The following MVB12B variants were observed in gnomAD, a reference collection of about 807,000 sequenced individuals.
The protein encoded by MVB12B is multivesicular body subunit 12B, also known as ESCRT-I complex subunit MVB12B.
MVB12B carries 16 observed loss-of-function variants against 41.6 expected under a neutral mutation model. That is an observed-to-expected ratio of 0.38 (90% CI 0.26 to 0.58). MVB12B has a LOEUF of 0.58. MVB12B is among the 20% of genes least tolerant of loss of function. MVB12B has a pLI of 0.62. For synonymous variants in MVB12B, 133 were observed against 139.7 expected, an observed-to-expected ratio of 0.95 and a Z score of 0.34; for missense variants, 274 against 380.2, an observed-to-expected ratio of 0.72 and a Z score of 2.32.
Position 126,386,458 on chromosome 9 carries a change from C to A in MVB12B, c.313-104C>A. The A allele has an allele frequency of 1.4e-6, 1 of 727,266 alleles. No homozygotes were observed. The allele number at this position is 727,266 out of a possible 1,614,324, so 45.1% of individuals were successfully genotyped here. On this transcript the variant is annotated intron_variant, in intron 3 of 9. Transcript: ENST00000361171. This position sits in a 1 kb window ranked among gnomAD's most constrained non-coding sequence, Gnocchi z 4.3. ...CTCTAATTAACCTGCTGTCATAAAG[C>A]TGCACGAGTCATTGTGTTAAATATG...
chr9:126,404,565 A>C (rs773628314), intron 6 of MVB12B, among the ~76,000 whole-genome samples: 5 of 152,234 alleles, frequency 3.3e-5, no homozygotes, highest in African/African-American at 1.2e-4. Flanking sequence ...CTGACCAGCA[A>C]CTGGTGAATG....
chr9:126,435,243 T>C (rs1832439275), intron 7 of MVB12B, among the ~76,000 whole-genome samples: 1 of 152,158 alleles, frequency 6.6e-6, no homozygotes, highest in African/African-American at 2.4e-5. Context: ...CTGCTTATTA[T>C]ACCAGAAGGC....
intron 6 of MVB12B, among the ~76,000 whole-genome samples, chr9:126,400,443 A>G (rs1374665847): frequency 1.3e-5 from 2 of 152,196 alleles, no homozygotes; most frequent in East Asian, 1.9e-4. Context: ...GTCAGACGGC[A>G]TTTGGATCCT....
intron 2 of MVB12B, among the ~76,000 whole-genome samples, chr9:126,358,166 T>C (rs1284765330): frequency 6.6e-6 from 1 of 152,220 alleles, no homozygotes; most frequent in Non-Finnish European, 1.5e-5. Context: ...TTTTATTCCA[T>C]TGATCTATAA....
chr9:126,371,854 T>A (rs953760367), intron 2 of MVB12B, among the ~76,000 whole-genome samples: 2 of 152,240 alleles, frequency 1.3e-5, no homozygotes, highest in Admixed American at 1.3e-4. Flanking sequence ...TGCTAAGTAC[T>A]TCTAGAAATA....
intron 2 of MVB12B, among the ~76,000 whole-genome samples, chr9:126,364,515 G>A (rs953331246): frequency 4.6e-5 from 7 of 152,172 alleles, no homozygotes; most frequent in Non-Finnish European, 7.3e-5. Context: ...GAGTGTGCAC[G>A]GGGCTGCTGA....
At position 126,395,706 on chromosome 9, in the gene MVB12B, TTGTCGGGG is replaced by T; in HGVS notation, c.662+14_662+21del. 6.2e-7 allele frequency: 1 copy of T among 1,613,874 alleles called. No individual in the cohort carries two copies. The highest frequency in any genetic ancestry group is 8.5e-7 in the Non-Finnish European group (1 of 1,179,868). The stretch of plus-strand genomic sequence containing the variant: ...GCCCCCAACCTTCCCAGGTGAGGCC[TTGTCGGGG>T]TGTCTTGCGTTGTCCTGTGGTCTTA... On this transcript the variant is annotated intron_variant, in intron 6 of 9. Coordinates refer to ENST00000361171, the MANE Select transcript of MVB12B (RefSeq NM_033446.3). The surrounding 1 kb of genome is among the most constrained non-coding windows in gnomAD (Gnocchi z 4.9).
rs779479230 is a variant in MVB12B, at chr9:126,446,829, CTTTA to C, written c.757+24885_757+24888del. ...CTCTTTTTCTTGGTTGATTTATTTG[CTTTA>C]TTTGTCTTTCCAAATAACTGCTTTT... is the stretch of plus-strand genomic sequence containing the variant. On this transcript the variant is annotated intron_variant, in intron 7 of 9. Transcript: ENST00000361171. Among the ~76,000 whole-genome samples the C allele has an allele frequency of 6.7e-5, 10 of 149,630 alleles. No individual in the cohort carries two copies. In the East Asian group the frequency reaches 1.4e-3, roughly 20 times the overall value.
chr9:126,481,084 A>G (rs1294622351), intron 7 of MVB12B: 3 of 435,980 alleles, frequency 6.9e-6, no homozygotes, highest in Non-Finnish European at 8.2e-6. Context: ...AGGGGTGGAG[A>G]GTAGGGGTTC....
At chr9:126,364,598 T>C (rs926770127) in intron 2 of MVB12B, among the ~76,000 whole-genome samples, 1 of 152,234 alleles carries the variant, frequency 6.6e-6, no homozygotes, top group African/African-American at 2.4e-5. Flanking sequence ...AAACATGGTG[T>C]CTTTTATCAA....
chr9:126,376,915 G>A lies in MVB12B; in HGVS notation c.205-4149G>A, dbSNP rs1360432680. Reference sequence around the variant, plus strand: ...GCCCTAAACTTGCACTTGCTCCCCCGCCCCCACCCCAATGGTGTCTGGTGA... The same window carrying A: ...GCCCTAAACTTGCACTTGCTCCCCCACCCCCACCCCAATGGTGTCTGGTGA... On this transcript the variant is annotated intron_variant, in intron 2 of 9. Coordinates refer to ENST00000361171, the MANE Select transcript of MVB12B (RefSeq NM_033446.3). This position sits in a 1 kb window ranked among gnomAD's most constrained non-coding sequence, Gnocchi z 4.1. Among the ~76,000 whole-genome samples, 2 of 132,518 alleles carry A rather than the reference G, an allele frequency of 1.5e-5. No individual in the cohort carries two copies. The highest frequency in any genetic ancestry group is 3.3e-5 in the Non-Finnish European group (2 of 61,388). The allele number at this position is 132,518 out of a possible 152,430, so 86.9% of individuals were successfully genotyped here. A position where few individuals can be genotyped will look rare whatever the true frequency, so the allele number is the denominator to read the frequency against.
intron 6 of MVB12B, among the ~76,000 whole-genome samples, chr9:126,408,961 GC>G (rs1831533262): frequency 1.3e-5 from 2 of 152,008 alleles, no homozygotes; most frequent in Admixed American, 1.3e-4. Context: ...GTCCCGCAGC[GC>G]CCACCTTCTC....
intron 6 of MVB12B, among the ~76,000 whole-genome samples, chr9:126,414,127 C>T (rs142363271): frequency 8.5e-5 from 13 of 152,186 alleles, no homozygotes; most frequent in African/African-American, 2.2e-4. Context: ...GGAAATAAAT[C>T]GTGCTGGCAA....
intron 3 of MVB12B, among the ~76,000 whole-genome samples, chr9:126,383,274 C>T (rs912951053): frequency 6.6e-6 from 1 of 152,140 alleles, no homozygotes; most frequent in African/African-American, 2.4e-5. Context: ...ACTTGAGACT[C>T]CCAATGTAGG....
intron 2 of MVB12B, among the ~76,000 whole-genome samples, chr9:126,344,071 A>T (rs1319121189): frequency 6.0e-5 from 9 of 150,814 alleles, no homozygotes; most frequent in Admixed American, 5.9e-4. Context: ...AAAAATAGCA[A>T]CACAGAGAAA....
At chr9:126,366,617 C>T (rs893495596) in intron 2 of MVB12B, among the ~76,000 whole-genome samples, 1 of 152,090 alleles carries the variant, frequency 6.6e-6, no homozygotes, top group African/African-American at 2.4e-5. Context: ...ATCGGATATT[C>T]TTCTATAGTC....
chr9:126,455,028 C>T (rs1832953940), intron 7 of MVB12B, among the ~76,000 whole-genome samples: 1 of 152,150 alleles, frequency 6.6e-6, no homozygotes, highest in Non-Finnish European at 1.5e-5. Flanking sequence ...GGATCTTGAA[C>T]CACGTCCTGG....
intron 7 of MVB12B, among the ~76,000 whole-genome samples, chr9:126,451,311 G>A (rs533232384): frequency 1.3e-5 from 2 of 152,214 alleles, no homozygotes; most frequent in African/African-American, 4.8e-5. Context: ...CCCTGCCCAC[G>A]GTAGGTGCTC....
rs193029591 is a variant in MVB12B, at chr9:126,394,435, A to G, written c.540-1140A>G. Among the ~76,000 whole-genome samples the G allele has an allele frequency of 1.1e-4, 17 of 152,360 alleles. No homozygotes were observed. The East Asian group carries it at 3.3e-3, about 29-fold the overall frequency. ...TTTATGTCACTTTGGAAATATTGCT[A>G]TAGTTTTATTTCATCTTGGGGCAAC... On this transcript the variant is annotated intron_variant, in intron 5 of 9. Transcript: ENST00000361171.
Sources: gnomAD v4.1 joint callset for allele counts (sites outside exome capture counted in the v4.1 genomes callset) on GRCh38, gnomAD v4.1.1 for gene constraint, Gnocchi (gnomAD v3.1) non-coding constraint, MANE v1.5 for transcripts, NCBI Gene and HGNC (gene_info 2026-07-23, HGNC 2026-07-21) for gene names.